The following GLRA2 variants were observed in gnomAD, a reference collection of about 807,000 sequenced individuals.
GLRA2 encodes glycine receptor subunit alpha-2.
Under a neutral mutation model 31.6 loss-of-function variants are expected in GLRA2, and 11 were observed. The observed-to-expected ratio is 0.35, with a 90% CI of 0.22 to 0.58. The LOEUF (loss-of-function observed/expected upper bound fraction) is 0.58. Among genes scored for constraint, GLRA2 ranks in the 20% least tolerant of loss-of-function variants. The pLI is 0.84. For synonymous variants in GLRA2, 132 were observed against 134.0 expected (o/e 0.99, Z 0.10); for missense variants, 212 against 351.8 (o/e 0.60, Z 3.18).
chrX:14,461,916 G>A, the GLRA2 span, among the ~76,000 whole-genome samples: 1 of 112,064 alleles, frequency 8.9e-6, no homozygotes, highest in African/African-American at 3.2e-5. Context: ...TATTTTGCCT[G>A]TTAATTGATG....
At chrX:14,693,129 A>G (rs73199689) in intron 8 of GLRA2, among the ~76,000 whole-genome samples, 4,921 of 111,262 alleles carry the variant, frequency 0.044, 115 homozygotes, top group Middle Eastern at 0.065. Context: ...ACCCAAATAT[A>G]TTATAAATGC....
At chrX:14,595,715 C>T (rs1472828831) in intron 4 of GLRA2, among the ~76,000 whole-genome samples, 1 of 111,482 alleles carries the variant, frequency 9.0e-6, no homozygotes, top group Non-Finnish European at 1.9e-5. Flanking sequence ...TCTACCCGAT[C>T]ACTGTGAGTG....
At chrX:14,707,750 C>CA (rs2091647379) in intron 8 of GLRA2, among the ~76,000 whole-genome samples, 1 of 73,539 alleles carries the variant, frequency 1.4e-5, no homozygotes, top group Middle Eastern at 6.1e-3. Flanking sequence ...ACTTTGACAG[C>CA]AAAAAAGGTG....
At chrX:14,516,225 C>T in the GLRA2 span, among the ~76,000 whole-genome samples, 1 of 111,196 alleles carries the variant, frequency 9.0e-6, no homozygotes, top group Non-Finnish European at 1.9e-5. Context: ...CCCTCCCACA[C>T]CAATGTGCAT....
At chrX:14,536,326 C>A (rs1569487270) in intron 2 of GLRA2, among the ~76,000 whole-genome samples, 1 of 111,812 alleles carries the variant, frequency 8.9e-6, no homozygotes, top group African/African-American at 3.2e-5. Context: ...ATACCAACCC[C>A]TGTAGAAGGT....
chrX:14,473,888 T>A, the GLRA2 span, among the ~76,000 whole-genome samples: 134 of 111,803 alleles, frequency 1.2e-3, no homozygotes, highest in African/African-American at 3.9e-3. Context: ...GATGGTATGG[T>A]GAGAAGTGGA....
the GLRA2 span, among the ~76,000 whole-genome samples, chrX:14,513,127 A>G: frequency 1.8e-5 from 2 of 111,727 alleles, no homozygotes; most frequent in Admixed American, 9.5e-5. Flanking sequence ...TAGCCAACTG[A>G]TCTTCAACAA....
At chrX:14,508,084 C>T in the GLRA2 span, among the ~76,000 whole-genome samples, 1 of 111,664 alleles carries the variant, frequency 9.0e-6, no homozygotes, top group Non-Finnish European at 1.9e-5. Flanking sequence ...CAGACTATTA[C>T]ATTTGTGAAG....
chrX:14,708,524 TTA>T lies in GLRA2; in HGVS notation c.1080+17667_1080+17668del, dbSNP rs779383885. ...CCCACACTCACACGCCACCTGAGTA[TTA>T]TGATGCCCATGACCCAGTGGGCTCA... On this transcript the variant is annotated intron_variant, in intron 8 of 8. Coordinates refer to ENST00000218075, the MANE Select transcript of GLRA2 (RefSeq NM_002063.4). 1.3e-3 allele frequency among the ~76,000 whole-genome samples: 149 copies of T among 111,917 alleles called. 1 individual carries two copies. The highest frequency in any genetic ancestry group is 4.6e-3 in the Middle Eastern group (1 of 217).
chrX:14,568,658 A>G (rs1252520368), intron 2 of GLRA2, among the ~76,000 whole-genome samples: 5 of 102,548 alleles, frequency 4.9e-5, no homozygotes, highest in African/African-American at 1.8e-4. Context: ...GTGCCACTGC[A>G]CTCCAGCCTG....
intron 7 of GLRA2, among the ~76,000 whole-genome samples, chrX:14,661,003 A>T (rs891195420): frequency 8.9e-6 from 1 of 112,191 alleles, no homozygotes; most frequent in East Asian, 2.8e-4. Context: ...AAATTATTTC[A>T]TGGCAAGAGC....
At chrX:14,633,348 A>T (rs772262102) in intron 7 of GLRA2, among the ~76,000 whole-genome samples, 5 of 111,503 alleles carry the variant, frequency 4.5e-5, no homozygotes, top group Non-Finnish European at 9.4e-5. Context: ...ATAAAAAATT[A>T]ACTGGGTGTG....
chrX:14,514,309 G>T, the GLRA2 span, among the ~76,000 whole-genome samples: 1 of 110,007 alleles, frequency 9.1e-6, no homozygotes, highest in Non-Finnish European at 1.9e-5. Context: ...AGTATATACT[G>T]CTTGGGTGAC....
chrX:14,519,475 G>A, the GLRA2 span, among the ~76,000 whole-genome samples: 1 of 112,171 alleles, frequency 8.9e-6, no homozygotes, highest in African/African-American at 3.2e-5. Flanking sequence ...TACCTAGGAA[G>A]CTTACACACT....
chrX:14,698,179 G>A (rs1461466136), intron 8 of GLRA2, among the ~76,000 whole-genome samples: 1 of 111,069 alleles, frequency 9.0e-6, no homozygotes, highest in Non-Finnish European at 1.9e-5. Context: ...TGTTCACCAT[G>A]GATTTTTTGT....
At chrX:14,704,820 A>T (rs2091596903) in intron 8 of GLRA2, among the ~76,000 whole-genome samples, 1 of 112,187 alleles carries the variant, frequency 8.9e-6, no homozygotes. Flanking sequence ...TAAGGGGCAG[A>T]TAAAAAAAAC....
the GLRA2 span, among the ~76,000 whole-genome samples, chrX:14,460,057 A>AGTTTATTG: frequency 8.9e-6 from 1 of 111,761 alleles, no homozygotes; most frequent in African/African-American, 3.3e-5. Context: ...ATCAATACCT[A>AGTTTATTG]GTTTATTGAG....
chrX:14,656,157 T>C (rs753082824), intron 7 of GLRA2, among the ~76,000 whole-genome samples: 2 of 111,998 alleles, frequency 1.8e-5, no homozygotes, highest in Non-Finnish European at 3.8e-5. Flanking sequence ...TGTACAGTAG[T>C]CACATGGAGA....
chrX:14,609,207 TA>T lies in GLRA2; in HGVS notation c.930+4del. On this transcript the variant is annotated splice_donor_region_variant and intron_variant, in intron 7 of 8. Coordinates refer to ENST00000218075, the MANE Select transcript of GLRA2 (RefSeq NM_002063.4). ...GGCTCCAGGGCATCTCTGCCAAAGG[TA>T]AGAAATCTTGCTTGATAACAGATGA... 1 of 1,131,744 alleles carries T rather than the reference TA, an allele frequency of 8.8e-7. No individual in the cohort carries two copies. Among genetic ancestry groups the T allele is most frequent in the Non-Finnish European group, 1.2e-6 (1 of 825,956 alleles). 93.3% of individuals were successfully genotyped at this position (1,131,744 alleles called of 1,213,427 possible).
Sources: gnomAD v4.1 joint callset for allele counts (sites outside exome capture counted in the v4.1 genomes callset) on GRCh38, gnomAD v4.1.1 for gene constraint, MANE v1.5 for transcripts, NCBI Gene and HGNC (gene_info 2026-07-23, HGNC 2026-07-21) for gene names.